The following VWA5B1 variants were observed in gnomAD, a reference collection of about 807,000 sequenced individuals.
The protein encoded by VWA5B1 is von Willebrand factor A domain containing 5B1, also known as von Willebrand factor A domain-containing protein 5B1.
In VWA5B1, 115 loss-of-function variants were observed where a neutral mutation model predicts 118.2. The observed-to-expected ratio is 0.97, with a 90% CI of 0.84 to 1.14. The LOEUF (loss-of-function observed/expected upper bound fraction) is 1.14. Ranked by LOEUF, VWA5B1 falls within the 50% of genes most tolerant of loss-of-function variation. VWA5B1 has a pLI of 0.00. For missense variants in VWA5B1, 1,596 were observed against 1,603.8 expected (o/e 1.00, Z 0.08); for synonymous variants, 682 against 658.4 (o/e 1.04, Z -0.55).
chr1:20,312,810 C>A (rs1201804481), intron 2 of VWA5B1, 26 bp from the exon 3 acceptor site: 1 of 1,533,876 alleles, frequency 6.5e-7, no homozygotes, highest in Non-Finnish European at 8.8e-7. Flanking sequence ...TGGGGCACCC[C>A]GTGATGCTGG....
rs2090236993 is a variant in VWA5B1 at position 20,356,752 on chromosome 1, C to G, written c.*2489C>G. Reference sequence around the variant, plus strand: ...GCAACCCTGGCTCCCCTGCCCAGCCCCAAAGGTGCAGAAGAACAAATCTTC... The same window carrying G: ...GCAACCCTGGCTCCCCTGCCCAGCCGCAAAGGTGCAGAAGAACAAATCTTC... On this transcript the variant is annotated 3_prime_UTR_variant, in exon 22 of 22. Coordinates refer to ENST00000289815, the MANE Select transcript of VWA5B1 (RefSeq NM_001039500.3). Among the ~76,000 whole-genome samples, 1 of 152,166 alleles carries G rather than the reference C, an allele frequency of 6.6e-6. No homozygotes were observed. The highest frequency in any genetic ancestry group is 1.5e-5 in the Non-Finnish European group (1 of 68,030).
intron 21 of VWA5B1, 105 bp downstream of exon 21, chr1:20,352,277 G>A (rs998122564): frequency 5.6e-6 from 5 of 898,952 alleles, no homozygotes; most frequent in Non-Finnish European, 6.7e-6. Context: ...AGAGAAGAAG[G>A]CTTTGGTCTT....
chr1:20,308,768 G>A (rs1004832383), intron 1 of VWA5B1, among the ~76,000 whole-genome samples: 1 of 152,210 alleles, frequency 6.6e-6, no homozygotes, highest in Non-Finnish European at 1.5e-5. Flanking sequence ...GCCACTGCTG[G>A]CCTGGCGGGG....
chr1:20,314,677 G>C, intron 4 of VWA5B1, 85 bp downstream of exon 4: 1 of 1,489,490 alleles, frequency 6.7e-7, no homozygotes, highest in Non-Finnish European at 9.0e-7. Flanking sequence ...GACAGGGTGG[G>C]GGGAGACAGG....
At chr1:20,342,691 G>T in intron 15 of VWA5B1, 82 bp downstream of exon 15, 1 of 1,416,566 alleles carries the variant, frequency 7.1e-7, no homozygotes, top group Non-Finnish European at 9.3e-7. Context: ...GACAGGCCCA[G>T]AGGGCAGATG....
chr1:20,318,394 A>ACACC, intron 5 of VWA5B1, 196 bp from the exon 6 acceptor site: 1 of 735,338 alleles, frequency 1.4e-6, no homozygotes, highest in Non-Finnish European at 2.3e-6. Flanking sequence ...GAGTCATCAG[A>ACACC]CACCATCTAT....
At chr1:20,309,724 T>C (rs2088785587) in intron 1 of VWA5B1, among the ~76,000 whole-genome samples, 1 of 152,132 alleles carries the variant, frequency 6.6e-6, no homozygotes, top group African/African-American at 2.4e-5. Context: ...AGAATGTTTG[T>C]TCTGGCCAGT....
At position 20,337,995 on chromosome 1, in the gene VWA5B1, C is replaced by T. The variant is rs566925981; in HGVS notation, c.2133+159C>T. On this transcript the variant is annotated intron_variant, in intron 14 of 21. Transcript: ENST00000289815. ...CCTAGGCCTTCATCTGCCTTACCTC[C>T]GAGGACACCTTCCAAATCAGGACAC... is the stretch of plus-strand genomic sequence containing the variant. 3,199 of 917,736 alleles carry T rather than the reference C, an allele frequency of 3.5e-3. 39 individuals are homozygous for T. The highest frequency in any genetic ancestry group is 0.021 in the South Asian group (1,486 of 70,848). 56.8% of individuals were successfully genotyped at this position (917,736 alleles called of 1,614,324 possible).
At position 20,355,606 on chromosome 1, in the gene VWA5B1, G is replaced by A. The variant is rs1368471406; in HGVS notation, c.*1343G>A. On this transcript the variant is annotated 3_prime_UTR_variant, in exon 22 of 22. Coordinates refer to ENST00000289815, the MANE Select transcript of VWA5B1 (RefSeq NM_001039500.3). ...GAAGCTCCACAGACTTCCCTCGTGG[G>A]AAGGCCTTGGAAGCTTAGCTTATCA... Among the ~76,000 whole-genome samples, 1 of 152,224 alleles carries A rather than the reference G, an allele frequency of 6.6e-6. No homozygotes were observed.
intron 21 of VWA5B1, among the ~76,000 whole-genome samples, chr1:20,352,412 C>G (rs1028297592): frequency 2.0e-5 from 3 of 152,186 alleles, no homozygotes; most frequent in African/African-American, 4.8e-5. Context: ...GAAGCCAGCA[C>G]CAGCATCACG....
At position 20,353,870 on chromosome 1, in the gene VWA5B1, G is replaced by T. The variant is rs1308483968; in HGVS notation, c.3255G>T (p.Val1085=). 6.5e-7 allele frequency: 1 copy of T among 1,544,442 alleles called. No homozygotes were observed. The part of the protein sequence containing the change: ...KWTSPFTCHR[V]SLTTRPSESK... ...CGTCCCCCTTCACCTGCCATCGAGT[G>T]TCCCTCACCACCCGCCCGTCTGAGT... Residue 1085 remains valine, a synonymous_variant, in exon 22 of 22, where the codon GTG becomes GTT. Coordinates refer to ENST00000289815, the MANE Select transcript of VWA5B1 (RefSeq NM_001039500.3).
At chr1:20,305,177 C>A (rs1398305511) in intron 1 of VWA5B1, among the ~76,000 whole-genome samples, 1 of 151,980 alleles carries the variant, frequency 6.6e-6, no homozygotes, top group Non-Finnish European at 1.5e-5. Context: ...AGAAAGGAAG[C>A]TGGAAAGTGT....
rs191176445 is a variant in VWA5B1 at position 20,348,257 on chromosome 1, G to C, written c.2777G>C (p.Arg926Pro). 173 of 1,551,544 alleles carry C rather than the reference G, an allele frequency of 1.1e-4. No individual in the cohort carries two copies. Among genetic ancestry groups the C allele is most frequent in the Non-Finnish European group, 1.5e-4 (168 of 1,147,024 alleles). ...GTCTTCCGCGAAGGAGCTGCCCTGC[G>C]TATGCTTGGCTCTCGGGCCCTGGCC... is the stretch of plus-strand genomic sequence containing the variant. ...VEYPNSGAAL[R>P]MLGSRALAQQ... Residue 926 changes from arginine (R) to proline (P), a missense_variant, in exon 18 of 22, where the codon CGT (arginine) becomes CCT (proline). Arg to Pro is a moderately radical substitution (Grantham distance 103). Transcript: ENST00000289815.
At chr1:20,291,962 C>A (rs1324094662) in intron 1 of VWA5B1, among the ~76,000 whole-genome samples, 6 of 152,200 alleles carry the variant, frequency 3.9e-5, no homozygotes, top group Non-Finnish European at 8.8e-5. Flanking sequence ...CAGAAGGAGG[C>A]CTGTGGGGCG....
chr1:20,358,797 G>A lies in VWA5B1; in HGVS notation c.*4534G>A, dbSNP rs2090273408. On this transcript the variant is annotated 3_prime_UTR_variant, in exon 22 of 22. Transcript: ENST00000289815. Reference sequence around the variant, plus strand: ...AGAAAAAAGATGGACACATTCTTCAGCTGTAACATAGCATGCTCTGCAAAG... The same window carrying A: ...AGAAAAAAGATGGACACATTCTTCAACTGTAACATAGCATGCTCTGCAAAG... Among the ~76,000 whole-genome samples, 1 of 152,226 alleles carries A rather than the reference G, an allele frequency of 6.6e-6. No individual in the cohort carries two copies. Among genetic ancestry groups the A allele is most frequent in the South Asian group, 2.1e-4 (1 of 4,836 alleles).
intron 20 of VWA5B1, 94 bp from the exon 21 acceptor site, chr1:20,351,961 A>G: frequency 2.2e-6 from 2 of 889,366 alleles, no homozygotes; most frequent in Non-Finnish European, 3.4e-6. Flanking sequence ...GGAGGGAGCC[A>G]TCTATTGCAT....
chr1:20,352,695 G>A (rs1031443706), intron 21 of VWA5B1, among the ~76,000 whole-genome samples: 1 of 152,162 alleles, frequency 6.6e-6, no homozygotes, highest in Non-Finnish European at 1.5e-5. Flanking sequence ...CACATCTGGG[G>A]CCCCTCAGGG....
At chr1:20,318,542 T>G in intron 5 of VWA5B1, 48 bp from the exon 6 acceptor site, 10 of 1,548,742 alleles carry the variant, frequency 6.5e-6, no homozygotes, top group Non-Finnish European at 8.7e-6. Flanking sequence ...CTCCTCTCTC[T>G]CCTGACCTCA....
intron 4 of VWA5B1, among the ~76,000 whole-genome samples, chr1:20,315,188 G>A (rs994251629): frequency 6.6e-6 from 1 of 152,238 alleles, no homozygotes; most frequent in Non-Finnish European, 1.5e-5. Flanking sequence ...TGTAGGCACA[G>A]AGAAGAGCGT....
Sources: allele counts gnomAD v4.1 joint callset (sites outside exome capture counted in the v4.1 genomes callset), GRCh38; gene constraint gnomAD v4.1.1; transcripts MANE v1.5; gene names NCBI Gene and HGNC (gene_info 2026-07-23, HGNC 2026-07-21).